The following SMYD3 variants were observed in gnomAD, a reference collection of about 807,000 sequenced individuals.
SMYD3 encodes the protein SET and MYND domain containing 3.
Under a neutral mutation model 57.7 loss-of-function variants are expected in SMYD3, and 36 were observed. That is an observed-to-expected ratio of 0.62 (90% confidence interval 0.48 to 0.82). SMYD3 has a LOEUF of 0.82. Ranked by LOEUF, SMYD3 falls within the 40% of genes least tolerant of loss-of-function variation. The pLI is 0.00. For missense variants in SMYD3, 515 were observed against 538.8 expected (o/e 0.96, Z 0.44); for synonymous variants, 211 against 195.0 (o/e 1.08, Z -0.68).
At chr1:246,259,576 T>C (rs1170009213) in intron 5 of SMYD3, among the ~76,000 whole-genome samples, 1 of 152,212 alleles carries the variant, frequency 6.6e-6, no homozygotes, top group African/African-American at 2.4e-5. Flanking sequence ...TCAATCTACA[T>C]GCCAGTAGAT....
chr1:246,147,110 G>C (rs976015913), intron 5 of SMYD3, among the ~76,000 whole-genome samples: 5 of 152,160 alleles, frequency 3.3e-5, no homozygotes, highest in African/African-American at 4.8e-5. Flanking sequence ...GCTTCCATCC[G>C]AGTCCATATG....
At chr1:245,905,592 C>T (rs955956999) in intron 8 of SMYD3, among the ~76,000 whole-genome samples, 4 of 152,242 alleles carry the variant, frequency 2.6e-5, no homozygotes, top group African/African-American at 9.6e-5. Flanking sequence ...CTTTTAAGGT[C>T]TGACTCCCAG....
At chr1:245,918,616 G>C (rs2055625873) in intron 7 of SMYD3, among the ~76,000 whole-genome samples, 1 of 152,188 alleles carries the variant, frequency 6.6e-6, no homozygotes, top group Non-Finnish European at 1.5e-5. Context: ...TGAATGCTAT[G>C]TTCCAAATTC....
At chr1:246,408,960 G>A (rs888417359) in intron 1 of SMYD3, among the ~76,000 whole-genome samples, 1 of 152,090 alleles carries the variant, frequency 6.6e-6, no homozygotes, top group East Asian at 1.9e-4. Flanking sequence ...GTGAGCCACC[G>A]CACCCAGCCA....
At chr1:245,755,399 A>C (rs1288036208) in intron 11 of SMYD3, among the ~76,000 whole-genome samples, 2 of 152,164 alleles carry the variant, frequency 1.3e-5, no homozygotes, top group African/African-American at 2.4e-5. Context: ...GTCAGGTCCC[A>C]TTGGTTGATG....
chr1:246,163,182 A>T (rs1425036974), intron 5 of SMYD3, among the ~76,000 whole-genome samples: 1 of 152,202 alleles, frequency 6.6e-6, no homozygotes, highest in Non-Finnish European at 1.5e-5. Context: ...CCACAACTAT[A>T]TATGACTATA....
At position 245,827,953 on chromosome 1, in the gene SMYD3, C is replaced by A. The variant is rs116088468; in HGVS notation, c.1076+30543G>T. Among the ~76,000 whole-genome samples, 716 of 152,182 alleles carry A rather than the reference C, an allele frequency of 4.7e-3. 6 individuals are homozygous for A. Among genetic ancestry groups the A allele is most frequent in the African/African-American group, 0.017 (694 of 41,510 alleles). On this transcript the variant is annotated intron_variant, in intron 10 of 11. Transcript: ENST00000490107. ...TATCATTTTGCAGCACAGAGTTGTG[C>A]CCTAAAGCCTGAAGTGGGCAGACAC...
chr1:245,897,179 C>A (rs10754484), intron 8 of SMYD3, among the ~76,000 whole-genome samples: 151,961 of 152,378 alleles, frequency 1, 75,777 homozygotes, highest in Middle Eastern at 1. Context: ...AATTTGAAAT[C>A]TTGGAAATAA....
rs2065897948 is a variant in SMYD3, at chr1:246,355,498, A to C, written c.165-404T>G. On this transcript the variant is annotated intron_variant, in intron 1 of 11. Transcript: ENST00000490107. This position sits in a 1 kb window ranked among gnomAD's most constrained non-coding sequence, Gnocchi z 5.0. ...CTGCAGGCTCCCTGAGACTCTGAAA[A>C]GATGTGAGCTGCCTGCTTGCTCAGC... Among the ~76,000 whole-genome samples the C allele has an allele frequency of 6.6e-6, 1 of 152,164 alleles. No homozygotes were observed. Among genetic ancestry groups the C allele is most frequent in the South Asian group, 2.1e-4 (1 of 4,824 alleles).
At chr1:246,384,811 A>C (rs2066449008) in intron 1 of SMYD3, among the ~76,000 whole-genome samples, 1 of 152,232 alleles carries the variant, frequency 6.6e-6, no homozygotes, top group Non-Finnish European at 1.5e-5. Flanking sequence ...GTGACAGCTC[A>C]GTAAAAGACA....
chr1:245,818,164 T>A (rs1474316005), intron 10 of SMYD3, among the ~76,000 whole-genome samples: 2 of 152,058 alleles, frequency 1.3e-5, no homozygotes, highest in East Asian at 1.9e-4. Context: ...CGGGTTACCC[T>A]CAAAGGGAAG....
chr1:246,053,662 G>T lies in SMYD3; in HGVS notation c.532-123725C>A, dbSNP rs531661937. Among the ~76,000 whole-genome samples the T allele has an allele frequency of 3.3e-4, 50 of 152,126 alleles. No individual in the cohort carries two copies. In the South Asian group the frequency reaches 0.01, roughly 31 times the overall value. On this transcript the variant is annotated intron_variant, in intron 5 of 11. Transcript: ENST00000490107. ...ACATATTCAAAAGTTAATTAAAAAT[G>T]GATTATAGTTGGGCATGGTGGCAAA... is the stretch of plus-strand genomic sequence containing the variant.
intron 9 of SMYD3, among the ~76,000 whole-genome samples, chr1:245,859,402 G>T (rs937165431): frequency 1.5e-4 from 23 of 152,226 alleles, no homozygotes; most frequent in African/African-American, 5.3e-4. Context: ...AAGACTCAAT[G>T]TCCACTTCTC....
At chr1:246,331,626 T>C (rs2065463583) in intron 3 of SMYD3, among the ~76,000 whole-genome samples, 1 of 152,194 alleles carries the variant, frequency 6.6e-6, no homozygotes, top group African/African-American at 2.4e-5. Context: ...TACATTAACA[T>C]GGGGTTAATT....
At chr1:246,065,851 T>C (rs1231511705) in intron 5 of SMYD3, among the ~76,000 whole-genome samples, 5 of 152,222 alleles carry the variant, frequency 3.3e-5, no homozygotes, top group Non-Finnish European at 7.3e-5. Flanking sequence ...AAGTCCTTGC[T>C]GTCAAGGAAC....
intron 10 of SMYD3, among the ~76,000 whole-genome samples, chr1:245,803,187 T>C (rs2047956924): frequency 2.0e-5 from 3 of 152,220 alleles, no homozygotes; most frequent in African/African-American, 7.2e-5. Context: ...AAGATGGTCA[T>C]CTTGCACCTG....
chr1:246,452,827 A>G (rs1273712829), intron 1 of SMYD3, among the ~76,000 whole-genome samples: 2 of 152,256 alleles, frequency 1.3e-5, no homozygotes, highest in Admixed American at 6.5e-5. Context: ...ATTTCATATC[A>G]GTCTATAACT....
chr1:246,481,998 A>G (rs1159508511), intron 1 of SMYD3, among the ~76,000 whole-genome samples: 1 of 152,012 alleles, frequency 6.6e-6, no homozygotes, highest in African/African-American at 2.4e-5. Flanking sequence ...CTCTACTAAA[A>G]ATAAACAAAA....
chr1:246,200,914 T>C (rs771141491), intron 5 of SMYD3, among the ~76,000 whole-genome samples: 3 of 152,204 alleles, frequency 2.0e-5, no homozygotes, highest in African/African-American at 4.8e-5. Flanking sequence ...AAGTTTCTTA[T>C]CAAAGCATCA....
Sources: gnomAD v4.1 joint callset for allele counts (sites outside exome capture counted in the v4.1 genomes callset) on GRCh38, gnomAD v4.1.1 for gene constraint, Gnocchi (gnomAD v3.1) non-coding constraint, MANE v1.5 for transcripts, NCBI Gene and HGNC (gene_info 2026-07-23, HGNC 2026-07-21) for gene names.